AGMO: variants seen among roughly 807,000 people sequenced by gnomAD.
AGMO encodes the protein glyceryl-ether monooxygenase.
A neutral mutation model predicts 60.2 loss-of-function variants in AGMO; 75 were observed. The observed-to-expected ratio is 1.25, with a 90% CI of 1.03 to 1.51. The LOEUF (loss-of-function observed/expected upper bound fraction) is 1.51, where lower values mean the gene tolerates loss of function less well. AGMO is among the 40% of genes most tolerant of loss of function. AGMO has a pLI of 0.00. For missense variants in AGMO, 763 were observed against 525.5 expected (o/e 1.45, Z -4.42); for synonymous variants, 261 against 177.1 (o/e 1.47, Z -3.76).
chr7:15,119,068 A>T, the AGMO span, among the ~76,000 whole-genome samples: 1 of 151,484 alleles, frequency 6.6e-6, no homozygotes, highest in African/African-American at 2.4e-5. Context: ...ACTAATAGTG[A>T]TTCCTCCCAC....
At chr7:15,296,544 C>G (rs1288334634) in intron 12 of AGMO, among the ~76,000 whole-genome samples, 1 of 151,678 alleles carries the variant, frequency 6.6e-6, no homozygotes. Context: ...TTCTCACCTC[C>G]TTGTTAAATA....
the AGMO span, among the ~76,000 whole-genome samples, chr7:15,150,368 T>G: frequency 6.6e-6 from 1 of 151,972 alleles, no homozygotes; most frequent in Admixed American, 6.6e-5. Context: ...GAAGGCACAT[T>G]CTTGTCTTAT....
intron 12 of AGMO, among the ~76,000 whole-genome samples, chr7:15,336,062 G>A (rs899297092): frequency 6.6e-6 from 1 of 152,100 alleles, no homozygotes; most frequent in Non-Finnish European, 1.5e-5. Context: ...AAGCTAACAG[G>A]TTGTCCGCTA....
intron 12 of AGMO, among the ~76,000 whole-genome samples, chr7:15,289,171 A>G (rs532918681): frequency 6.6e-6 from 1 of 152,182 alleles, no homozygotes; most frequent in East Asian, 1.9e-4. Flanking sequence ...TACTTGTTTC[A>G]TAATTTAAAT....
At chr7:15,156,291 G>T in the AGMO span, among the ~76,000 whole-genome samples, 3 of 152,196 alleles carry the variant, frequency 2.0e-5, no homozygotes, top group African/African-American at 7.2e-5. Flanking sequence ...TATGGCAGTG[G>T]CTGCTGGCAA....
chr7:15,519,181 C>T (rs1371204577), intron 3 of AGMO, among the ~76,000 whole-genome samples: 1 of 151,500 alleles, frequency 6.6e-6, no homozygotes, highest in Non-Finnish European at 1.5e-5. Context: ...AGAGATCAAA[C>T]CTAGGTTTGA....
intron 3 of AGMO, among the ~76,000 whole-genome samples, chr7:15,537,955 C>T (rs978824491): frequency 5.9e-5 from 9 of 151,848 alleles, no homozygotes; most frequent in African/African-American, 1.9e-4. Flanking sequence ...TAACATTTGA[C>T]GTGGGATGGC....
the AGMO span, among the ~76,000 whole-genome samples, chr7:15,145,643 C>A: frequency 1.3e-5 from 2 of 152,132 alleles, no homozygotes; most frequent in South Asian, 4.1e-4. Context: ...TGTATTTTTA[C>A]CTTATTTTAA....
At chr7:15,262,552 C>T (rs1281096216) in intron 12 of AGMO, among the ~76,000 whole-genome samples, 13 of 151,858 alleles carry the variant, frequency 8.6e-5, no homozygotes, top group Non-Finnish European at 1.2e-4. Flanking sequence ...TAGCAGTCTA[C>T]AAACTGAATG....
intron 6 of AGMO, among the ~76,000 whole-genome samples, chr7:15,391,453 CTAAA>C (rs1378447823): frequency 6.6e-6 from 1 of 151,832 alleles, no homozygotes; most frequent in African/African-American, 2.4e-5. Context: ...TTTCCTGCCG[CTAAA>C]TAATTATAAT....
At chr7:15,401,139 C>T (rs1784542794) in intron 5 of AGMO, among the ~76,000 whole-genome samples, 1 of 152,102 alleles carries the variant, frequency 6.6e-6, no homozygotes, top group Non-Finnish European at 1.5e-5. Flanking sequence ...CACTACCTTA[C>T]ATTACCTAAA....
intron 12 of AGMO, among the ~76,000 whole-genome samples, chr7:15,223,933 G>A (rs1033484210): frequency 6.6e-6 from 1 of 152,090 alleles, no homozygotes; most frequent in South Asian, 2.1e-4. Flanking sequence ...CCAAAAATAT[G>A]TACTTGAAAC....
At chr7:15,409,477 G>T (rs1213468668) in intron 5 of AGMO, among the ~76,000 whole-genome samples, 2 of 151,890 alleles carry the variant, frequency 1.3e-5, no homozygotes, top group South Asian at 2.1e-4. Flanking sequence ...AACGTTCTTA[G>T]CCTTAAAAGG....
At chr7:15,510,014 A>G (rs1783626822) in intron 3 of AGMO, among the ~76,000 whole-genome samples, 1 of 152,170 alleles carries the variant, frequency 6.6e-6, no homozygotes, top group African/African-American at 2.4e-5. Context: ...AATTTTCTCA[A>G]AATATTACAG....
chr7:15,377,892 C>T (rs765969562), intron 10 of AGMO, among the ~76,000 whole-genome samples: 85 of 152,018 alleles, frequency 5.6e-4, no homozygotes, highest in Non-Finnish European at 1.1e-3. Context: ...CACTGCCAAG[C>T]GTAATGTGGT....
At position 15,401,481 on chromosome 7, in the gene AGMO, T is replaced by G. The variant is rs181120136; in HGVS notation, c.610-7302A>C. 9.4e-3 allele frequency among the ~76,000 whole-genome samples: 1,429 copies of G among 152,276 alleles called. 27 individuals are homozygous for G. The highest frequency in any genetic ancestry group is 0.034 in the African/African-American group (1,396 of 41,562). On this transcript the variant is annotated intron_variant, in intron 5 of 12. Transcript: ENST00000342526. ...CATTTGTTTGAATTGCTTGGAAATT[T>G]GCCTCCTCTTACCTCATTCTGACTA...
intron 3 of AGMO, among the ~76,000 whole-genome samples, chr7:15,531,647 A>ATATTCTCT (rs1784367874): frequency 1.1e-5 from 1 of 93,208 alleles, no homozygotes; most frequent in African/African-American, 4.1e-5. Context: ...ATATATAGAA[A>ATATTCTCT]ATATAAATAT....
chr7:15,321,193 C>T (rs7782826), intron 12 of AGMO, among the ~76,000 whole-genome samples: 88,840 of 152,000 alleles, frequency 0.58, 26,940 homozygotes, highest in African/African-American at 0.76. Flanking sequence ...CTATTCCTCA[C>T]TTAGACAATT....
intron 12 of AGMO, among the ~76,000 whole-genome samples, chr7:15,334,543 G>C (rs1204160487): frequency 3.9e-5 from 6 of 152,074 alleles, no homozygotes; most frequent in Non-Finnish European, 1.5e-5. Flanking sequence ...ATATCTGTTA[G>C]TTAATACCAA....
Sources: gnomAD v4.1 joint callset for allele counts (sites outside exome capture counted in the v4.1 genomes callset) on GRCh38, gnomAD v4.1.1 for gene constraint, MANE v1.5 for transcripts, NCBI Gene and HGNC (gene_info 2026-07-23, HGNC 2026-07-21) for gene names.